MX2: variants seen among roughly 807,000 people sequenced by gnomAD.
MX2 encodes the protein interferon-induced GTP-binding protein Mx2.
Under a neutral mutation model 74.0 loss-of-function variants are expected in MX2, and 51 were observed. That is an observed-to-expected ratio of 0.69 (90% CI 0.55 to 0.87). MX2 has a LOEUF of 0.87. Among genes scored for constraint, MX2 ranks in the 40% least tolerant of loss-of-function variants. The pLI, the probability that MX2 is intolerant of heterozygous loss-of-function variation, is 0.00. For synonymous variants in MX2, 369 were observed against 339.3 expected (o/e 1.09, Z -0.96); for missense variants, 832 against 908.7 (o/e 0.92, Z 1.09).
In MX2 at chr21:41,371,032, A is replaced by T. The variant is rs542054856; in HGVS notation, c.-71-5804A>T. 8.5e-5 allele frequency among the ~76,000 whole-genome samples: 13 copies of T among 152,286 alleles called. No homozygotes were observed. The South Asian group carries it at 1.7e-3, about 19-fold the overall frequency. ...AAATGTGTTTTGGTCTGAAGGAGGGAGGAAGAAGACAAAAACAAGTAAATT... is the reference window on the plus strand; with the variant it reads ...AAATGTGTTTTGGTCTGAAGGAGGGTGGAAGAAGACAAAAACAAGTAAATT... On this transcript the variant is annotated intron_variant, in intron 1 of 13. Transcript: ENST00000330714.
chr21:41,382,348 A>G, intron 4 of MX2, 62 bp from the exon 5 acceptor site: 1 of 1,559,268 alleles, frequency 6.4e-7, no homozygotes, highest in Non-Finnish European at 8.7e-7. Flanking sequence ...ACCTTCAGGA[A>G]CTGCTTCCTC....
rs774222641 is a variant in MX2 at position 41,377,105 on chromosome 21, A to G, written c.199A>G (p.Thr67Ala). The G allele has an allele frequency of 9.3e-6, 15 of 1,614,060 alleles. No individual in the cohort carries two copies. The highest frequency in any genetic ancestry group is 5.0e-5 in the Admixed American group (3 of 60,000). ...AFLAKDFNFL[T>A]LNNQPPPGNR... is the part of the protein sequence containing the mutation. ...CCTCGCCAAGGACTTCAACTTTCTCACTTTGAACAATCAGCCACCACCAGG... is the reference window on the plus strand; with the variant it reads ...CCTCGCCAAGGACTTCAACTTTCTCGCTTTGAACAATCAGCCACCACCAGG... Residue 67 changes from threonine to alanine, a missense_variant, in exon 2 of 14, where the codon ACT becomes GCT. By Grantham distance (58) the Thr-to-Ala change is moderately conservative. Transcript: ENST00000330714.
At position 41,399,210 on chromosome 21, in the gene MX2, T is replaced by A; in HGVS notation, c.1287T>A (p.Phe429Leu). Residue 429 changes from phenylalanine (F) to leucine (L), a missense_variant, in exon 10 of 14, where the codon TTT becomes TTA. By Grantham distance (22) the Phe-to-Leu change is conservative (BLOSUM62 0). Coordinates refer to ENST00000330714, the MANE Select transcript of MX2 (RefSeq NM_002463.2). Reference protein sequence around the residue: ...MFFLIEKIKMFNQDIEKLVEG... With the variant: ...MFFLIEKIKMLNQDIEKLVEG... ...ATCATTTTCAGAAAATCAAGATGTTTAATCAGGACATCGAAAAGTTAGTAG... is the reference window on the plus strand; with the variant it reads ...ATCATTTTCAGAAAATCAAGATGTTAAATCAGGACATCGAAAAGTTAGTAG... 1 of 1,613,944 alleles carries A rather than the reference T, an allele frequency of 6.2e-7. No individual in the cohort carries two copies. The highest frequency in any genetic ancestry group is 8.5e-7 in the Non-Finnish European group (1 of 1,179,908).
intron 1 of MX2, chr21:41,364,317 C>G (rs1194006251): frequency 6.6e-6 from 1 of 152,224 alleles, no homozygotes; most frequent in Admixed American, 6.5e-5. Context: ...AGGGAAACTC[C>G]CTCCCCTTTG....
chr21:41,399,450 G>A (rs2089781613), intron 10 of MX2, 113 bp downstream of exon 10: 8 of 1,170,070 alleles, frequency 6.8e-6, no homozygotes, highest in Non-Finnish European at 9.7e-6. Context: ...CCAAGACCGT[G>A]GAACCCTTGG....
chr21:41,389,783 G>T (rs1001034341), intron 5 of MX2: 7 of 152,152 alleles, frequency 4.6e-5, no homozygotes, highest in African/African-American at 1.4e-4. Context: ...ATGGGGCACT[G>T]TCTGAGCACA....
intron 6 of MX2, among the ~76,000 whole-genome samples, chr21:41,392,404 C>G (rs1291256698): frequency 6.6e-6 from 1 of 152,180 alleles, no homozygotes; most frequent in Non-Finnish European, 1.5e-5. Flanking sequence ...AAGTGAAATT[C>G]CAGTAAGAAA....
Position 41,408,301 on chromosome 21 carries a change from T to C in MX2, c.*68T>C. ...CATTCTAAGGGGAGTCGGTGCAGGA[T>C]GCCGCTTCTGCTTTGGGGCCAAACT... On this transcript the variant is annotated 3_prime_UTR_variant, in exon 14 of 14. Coordinates refer to ENST00000330714, the MANE Select transcript of MX2 (RefSeq NM_002463.2). 2 of 1,572,262 alleles carry C rather than the reference T, an allele frequency of 1.3e-6. No individual in the cohort carries two copies. Among genetic ancestry groups the C allele is most frequent in the Non-Finnish European group, 1.7e-6 (2 of 1,159,978 alleles).
At chr21:41,378,819 C>T (rs1228024354) in intron 3 of MX2, among the ~76,000 whole-genome samples, 1 of 152,188 alleles carries the variant, frequency 6.6e-6, no homozygotes, top group East Asian at 1.9e-4. Context: ...GAAGGAGCAG[C>T]ATGCAGGGGC....
At chr21:41,378,319 G>A (rs966980411) in intron 3 of MX2, among the ~76,000 whole-genome samples, 5 of 145,808 alleles carry the variant, frequency 3.4e-5, no homozygotes, top group Admixed American at 2.7e-4. Flanking sequence ...GAGACAGGCC[G>A]CTGGGAGAGA....
At chr21:41,406,644 G>A (rs756445600) in intron 12 of MX2, 100 bp from the exon 13 acceptor site, 103 of 1,242,868 alleles carry the variant, frequency 8.3e-5, no homozygotes, top group Middle Eastern at 7.1e-4. Context: ...CTATGGATTC[G>A]TTTTATTTCT....
At chr21:41,392,283 G>A (rs1222430593) in intron 6 of MX2, among the ~76,000 whole-genome samples, 7 of 152,240 alleles carry the variant, frequency 4.6e-5, no homozygotes, top group African/African-American at 1.2e-4. Context: ...ACAGATGGTT[G>A]GATGGATAAA....
In MX2 at chr21:41,377,061, C is replaced by CAG; in HGVS notation, c.159_160dup (p.Lys54ArgfsTer16). The CAG allele has an allele frequency of 1.2e-6, 2 of 1,614,218 alleles. No homozygotes were observed. Among genetic ancestry groups the CAG allele is most frequent in the Non-Finnish European group, 1.7e-6 (2 of 1,180,028 alleles). ...ATGTTTCCTCCAAACTGGCAGGGGG[C>CAG]AGAGAAGGACGCTGCTTTCCTCGCC... On this transcript the variant is annotated frameshift_variant, in exon 2 of 14. Coordinates refer to ENST00000330714, the MANE Select transcript of MX2 (RefSeq NM_002463.2). LOFTEE classifies it high-confidence loss of function.
At chr21:41,384,467 G>T (rs961024685) in intron 5 of MX2, among the ~76,000 whole-genome samples, 1 of 152,136 alleles carries the variant, frequency 6.6e-6, no homozygotes, top group Non-Finnish European at 1.5e-5. Context: ...ATAAGTGTGC[G>T]GTCTCTCTAA....
rs775658818 is a variant in MX2 at position 41,377,813 on chromosome 21, C to A, written c.274C>A (p.Gln92Lys). ...GGGGCCCGAGAACAACCTGTACAGCCAGTACGAGCAGAAGGTGCGCCCCTG... is the reference window on the plus strand; with the variant it reads ...GGGGCCCGAGAACAACCTGTACAGCAAGTACGAGCAGAAGGTGCGCCCCTG... ...AMGPENNLYSQYEQKVRPCID... is the reference protein window; with the variant it reads ...AMGPENNLYSKYEQKVRPCID... The change falls in exon 3 of 14, where the codon CAG (glutamine) becomes AAG (lysine). Residue 92 changes from glutamine to lysine, a missense_variant. Physicochemically the swap from Gln to Lys is moderately conservative, Grantham distance 53. Transcript: ENST00000330714. 1.2e-5 allele frequency: 20 copies of A among 1,613,464 alleles called. No homozygotes were observed. Among genetic ancestry groups the A allele is most frequent in the Admixed American group, 3.3e-5 (2 of 59,994 alleles).
intron 1 of MX2, chr21:41,365,837 C>T (rs534561649): frequency 6.6e-6 from 1 of 152,222 alleles, no homozygotes; most frequent in Non-Finnish European, 1.5e-5. Context: ...ATTCGCACTC[C>T]CACCAGCAGT....
chr21:41,389,485 C>T (rs2089627488), intron 5 of MX2: 1 of 152,232 alleles, frequency 6.6e-6, no homozygotes, highest in African/African-American at 2.4e-5. Flanking sequence ...TGTACCACTG[C>T]ACTCCAGCCT....
chr21:41,381,188 T>C (rs928630579), intron 4 of MX2, among the ~76,000 whole-genome samples: 4 of 152,162 alleles, frequency 2.6e-5, no homozygotes, highest in Non-Finnish European at 5.9e-5. Flanking sequence ...TTAGCAAGTT[T>C]CCTAACTTCA....
chr21:41,403,875 A>G (rs549058937), intron 12 of MX2: 21 of 250,098 alleles, frequency 8.4e-5, no homozygotes, highest in African/African-American at 4.6e-4. Context: ...AGTGCAGGCA[A>G]GCAAGAAGGA....
Sources: gnomAD v4.1 joint callset for allele counts (sites outside exome capture counted in the v4.1 genomes callset) on GRCh38, gnomAD v4.1.1 for gene constraint, MANE v1.5 for transcripts, NCBI Gene and HGNC (gene_info 2026-07-23, HGNC 2026-07-21) for gene names.